Variants in MDGA2 observed in about 807,000 individuals in gnomAD.
MDGA2 encodes the protein MAM domain containing glycosylphosphatidylinositol anchor 2, also known as MAM domain-containing glycosylphosphatidylinositol anchor protein 2.
MDGA2 carries 40 observed loss-of-function variants against 117.8 expected under a neutral mutation model. The ratio of observed to expected loss-of-function variants is 0.34; its 90% CI spans 0.26 to 0.44. The LOEUF is 0.44. Ranked by LOEUF, MDGA2 falls within the 20% of genes least tolerant of loss-of-function variation. The pLI, the probability that MDGA2 is intolerant of heterozygous loss-of-function variation, is 1.00. For missense variants in MDGA2, 1,123 were observed against 1,250.6 expected, an observed-to-expected ratio of 0.90 and a Z score of 1.54; for synonymous variants, 452 against 439.0, an observed-to-expected ratio of 1.03 and a Z score of -0.37.
intron 1 of MDGA2, among the ~76,000 whole-genome samples, chr14:47,653,877 G>A (rs1182375208): frequency 6.6e-6 from 1 of 152,158 alleles, no homozygotes; most frequent in Non-Finnish European, 1.5e-5. Context: ...GGCTGTAGAA[G>A]TTGGGAAGAG....
At chr14:47,446,631 G>C (rs1335374088) in intron 1 of MDGA2, among the ~76,000 whole-genome samples, 1 of 152,078 alleles carries the variant, frequency 6.6e-6, no homozygotes, top group Non-Finnish European at 1.5e-5. Flanking sequence ...AGACTTGCAA[G>C]ACTGAAGTTT....
At chr14:46,897,137 A>G (rs3007103) in intron 10 of MDGA2, among the ~76,000 whole-genome samples, 88,591 of 151,994 alleles carry the variant, frequency 0.58, 26,612 homozygotes, top group East Asian at 0.95. Flanking sequence ...CTAATGTGAT[A>G]TCCGTATTTA....
chr14:47,243,475 T>C (rs1594749290), intron 2 of MDGA2, among the ~76,000 whole-genome samples: 1 of 151,684 alleles, frequency 6.6e-6, no homozygotes, highest in South Asian at 2.1e-4. Context: ...GCTCACTCTT[T>C]GGGTCCACGC....
chr14:47,118,937 T>C (rs1881477490), intron 5 of MDGA2, among the ~76,000 whole-genome samples: 1 of 152,092 alleles, frequency 6.6e-6, no homozygotes, highest in African/African-American at 2.4e-5. Context: ...GAGGTCTCAC[T>C]ATATTGCCCA....
intron 1 of MDGA2, among the ~76,000 whole-genome samples, chr14:47,319,057 G>A (rs747665723): frequency 6.6e-6 from 1 of 152,046 alleles, no homozygotes; most frequent in Non-Finnish European, 1.5e-5. Flanking sequence ...TATTTATTAT[G>A]TGGTAACTTT....
At chr14:47,299,278 G>C (rs2139805641) in intron 2 of MDGA2, 1 of 152,294 alleles carries the variant, frequency 6.6e-6, no homozygotes, top group Admixed American at 6.5e-5. Flanking sequence ...CTAATATTAA[G>C]GGGACAGGAG....
rs914693263 is a variant in MDGA2 at position 46,988,861 on chromosome 14, T to C, written c.1820-31218A>G. Among the ~76,000 whole-genome samples the C allele has an allele frequency of 7.2e-5, 11 of 152,136 alleles. 1 individual carries two copies. In the Middle Eastern group the frequency reaches 0.01, roughly 141 times the overall value. On this transcript the variant is annotated intron_variant, in intron 8 of 16. Transcript: ENST00000399232. ...TTTCTCCACCATGACGCTTGGAAAA[T>C]AGTAGCATGCGCAACAGAATCCCAT... is the stretch of plus-strand genomic sequence containing the variant.
At chr14:46,967,162 A>G (rs1281871206) in intron 8 of MDGA2, among the ~76,000 whole-genome samples, 3 of 152,204 alleles carry the variant, frequency 2.0e-5, no homozygotes, top group African/African-American at 7.2e-5. Flanking sequence ...TGGACGTTAA[A>G]TATGCATGGG....
chr14:47,575,003 A>G (rs1276030998), intron 1 of MDGA2, among the ~76,000 whole-genome samples: 1 of 152,200 alleles, frequency 6.6e-6, no homozygotes, highest in African/African-American at 2.4e-5. Flanking sequence ...TAAAGTGTAC[A>G]TAGGTCTGTG....
intron 15 of MDGA2, among the ~76,000 whole-genome samples, chr14:46,847,179 T>C (rs779778574): frequency 3.9e-5 from 6 of 152,052 alleles, no homozygotes; most frequent in Non-Finnish European, 8.8e-5. Flanking sequence ...AACTTTTGTA[T>C]TGAGACCCTG....
chr14:47,357,623 G>T (rs1421969031), intron 1 of MDGA2, among the ~76,000 whole-genome samples: 1 of 152,194 alleles, frequency 6.6e-6, no homozygotes, highest in Non-Finnish European at 1.5e-5. Context: ...TTGCAAGACA[G>T]TCAAGTCCAC....
At chr14:47,550,638 T>C (rs1185329433) in intron 1 of MDGA2, among the ~76,000 whole-genome samples, 2 of 152,196 alleles carry the variant, frequency 1.3e-5, no homozygotes, top group Admixed American at 1.3e-4. Flanking sequence ...TGTTTTTTTT[T>C]TCACTTTTAA....
intron 1 of MDGA2, among the ~76,000 whole-genome samples, chr14:47,301,981 T>G (rs936959798): frequency 2.0e-5 from 3 of 152,156 alleles, no homozygotes; most frequent in African/African-American, 7.2e-5. Flanking sequence ...TGTTAATTAT[T>G]TAAGTCATGT....
At chr14:47,022,110 G>C (rs1250216320) in intron 8 of MDGA2, among the ~76,000 whole-genome samples, 1 of 151,852 alleles carries the variant, frequency 6.6e-6, no homozygotes, top group Admixed American at 6.6e-5. Flanking sequence ...TTCGAGACAG[G>C]GTTTCACTCT....
intron 1 of MDGA2, among the ~76,000 whole-genome samples, chr14:47,550,872 T>C (rs1416793811): frequency 6.6e-6 from 1 of 152,210 alleles, no homozygotes; most frequent in Non-Finnish European, 1.5e-5. Context: ...AAACACTCCC[T>C]TGTTTAATTT....
At chr14:47,148,695 T>C (rs1267215863) in intron 3 of MDGA2, among the ~76,000 whole-genome samples, 2 of 152,196 alleles carry the variant, frequency 1.3e-5, no homozygotes, top group Non-Finnish European at 2.9e-5. Context: ...GAGAGAATAA[T>C]TACCACATAC....
chr14:47,460,863 C>T (rs1243270786), intron 1 of MDGA2, among the ~76,000 whole-genome samples: 1 of 152,164 alleles, frequency 6.6e-6, no homozygotes, highest in Non-Finnish European at 1.5e-5. Context: ...GAAATGCAGA[C>T]AGCTCAAGCC....
intron 1 of MDGA2, among the ~76,000 whole-genome samples, chr14:47,422,378 C>T (rs1892597867): frequency 1.3e-5 from 2 of 152,048 alleles, no homozygotes; most frequent in Admixed American, 6.6e-5. Context: ...GAGTGGCAGA[C>T]CTCTCTTGAC....
At position 47,239,720 on chromosome 14, in the gene MDGA2, A is replaced by G. The variant is rs1566697093; in HGVS notation, c.421-21525T>C. 1.3e-5 allele frequency among the ~76,000 whole-genome samples: 2 copies of G among 151,896 alleles called. 1 individual carries two copies. The highest frequency in any genetic ancestry group is 4.2e-4 in the South Asian group (2 of 4,810). On this transcript the variant is annotated intron_variant, in intron 2 of 16. Coordinates refer to ENST00000399232, the MANE Select transcript of MDGA2 (RefSeq NM_001113498.3). ...AAGTTTTCAATGCTTAACAAATGAG[A>G]TCATTCTAAATTAAATTATCTGCCT...
Sources: gnomAD v4.1 joint callset for allele counts (sites outside exome capture counted in the v4.1 genomes callset) on GRCh38, gnomAD v4.1.1 for gene constraint, MANE v1.5 for transcripts, NCBI Gene and HGNC (gene_info 2026-07-23, HGNC 2026-07-21) for gene names.